FBXO34: variants seen among roughly 807,000 people sequenced by gnomAD.
FBXO34 encodes F-box only protein 34.
In FBXO34, 12 loss-of-function variants were observed where a neutral mutation model predicts 24.5. The observed-to-expected ratio is 0.49, with a 90% CI of 0.31 to 0.79. The LOEUF (loss-of-function observed/expected upper bound fraction) is 0.79. Ranked by LOEUF, FBXO34 falls within the 30% of genes least tolerant of loss-of-function variation. The pLI, the probability that FBXO34 is intolerant of heterozygous loss-of-function variation, is 0.04. For synonymous variants in FBXO34, 320 were observed against 311.9 expected, an observed-to-expected ratio of 1.03 and a Z score of -0.27; for missense variants, 823 against 857.7, an observed-to-expected ratio of 0.96 and a Z score of 0.51.
the FBXO34 span, among the ~76,000 whole-genome samples, chr14:55,398,658 A>T: frequency 1.3e-5 from 2 of 152,126 alleles, no homozygotes; most frequent in Non-Finnish European, 2.9e-5. Flanking sequence ...TTGTAACCTG[A>T]GACTGTCTTA....
At chr14:55,436,996 G>A in the FBXO34 span, 4 of 1,614,060 alleles carry the variant, frequency 2.5e-6, no homozygotes, top group Non-Finnish European at 3.4e-6. Context: ...GAACAGGGGA[G>A]ACCTGGGTGG....
chr14:55,289,833 C>T (rs1453204581), intron 1 of FBXO34, among the ~76,000 whole-genome samples: 1 of 151,852 alleles, frequency 6.6e-6, no homozygotes, highest in African/African-American at 2.4e-5. Flanking sequence ...AGGAGTGGGT[C>T]CCCAAGCCCA....
the FBXO34 span, among the ~76,000 whole-genome samples, chr14:55,406,877 T>C: frequency 9.0e-3 from 1,374 of 152,304 alleles, 29 homozygotes; most frequent in African/African-American, 0.031. Flanking sequence ...TATATTTTTC[T>C]GCTTGGTCAG....
chr14:55,353,905 A>G (rs775178814), downstream of FBXO34, among the ~76,000 whole-genome samples: 7 of 152,184 alleles, frequency 4.6e-5, no homozygotes, highest in Non-Finnish European at 1.0e-4. Flanking sequence ...CTAAGGATCT[A>G]TTCAAGCCTG....
chr14:55,366,894 A>G (rs1321885047), downstream of FBXO34: 2 of 152,678 alleles, frequency 1.3e-5, no homozygotes, highest in Non-Finnish European at 2.9e-5. Flanking sequence ...AGTGGTTGAA[A>G]TGTATACTTA....
chr14:55,415,340 A>G, the FBXO34 span, among the ~76,000 whole-genome samples: 2 of 152,244 alleles, frequency 1.3e-5, no homozygotes, highest in Non-Finnish European at 2.9e-5. Flanking sequence ...ACTCTTAAGA[A>G]CTATAAAGTA....
At chr14:55,340,736 C>T (rs540557020) in intron 1 of FBXO34, among the ~76,000 whole-genome samples, 104 of 152,242 alleles carry the variant, frequency 6.8e-4, no homozygotes, top group Non-Finnish European at 1.1e-3. Context: ...TGTCAGGTTG[C>T]ATTTATACTC....
the FBXO34 span, among the ~76,000 whole-genome samples, chr14:55,399,240 T>C: frequency 6.6e-6 from 1 of 152,232 alleles, no homozygotes; most frequent in Non-Finnish European, 1.5e-5. Context: ...GACAGAATTA[T>C]ATACTTATAA....
the FBXO34 span, among the ~76,000 whole-genome samples, chr14:55,437,887 A>T: frequency 6.6e-6 from 1 of 152,238 alleles, no homozygotes; most frequent in Non-Finnish European, 1.5e-5. Context: ...TTACACTAGG[A>T]AAAAAGTTAT....
the FBXO34 span, among the ~76,000 whole-genome samples, chr14:55,407,696 A>T: frequency 8.1e-4 from 124 of 152,330 alleles, 1 homozygote; most frequent in African/African-American, 2.9e-3. Context: ...ATGAAACTAC[A>T]TTCTGGATGT....
At chr14:55,325,495 G>A (rs1883308991) in intron 1 of FBXO34, among the ~76,000 whole-genome samples, 1 of 149,774 alleles carries the variant, frequency 6.7e-6, no homozygotes, top group South Asian at 2.1e-4. Context: ...TTTTTTTTGA[G>A]ATGGAGTTTC....
chr14:55,289,218 G>C (rs1195293570), intron 1 of FBXO34, among the ~76,000 whole-genome samples: 7 of 150,472 alleles, frequency 4.7e-5, no homozygotes, highest in African/African-American at 7.4e-5. Context: ...TGTTATTTTT[G>C]TATCTAGTAG....
At chr14:55,348,584 G>C (rs1217004613) in intron 1 of FBXO34, among the ~76,000 whole-genome samples, 3 of 151,828 alleles carry the variant, frequency 2.0e-5, no homozygotes, top group African/African-American at 7.3e-5. Flanking sequence ...AATAAACTTG[G>C]TCCCAAACTC....
chr14:55,360,187 C>A (rs556946527), intron 3 of FBXO34, among the ~76,000 whole-genome samples: 1 of 152,222 alleles, frequency 6.6e-6, no homozygotes, highest in East Asian at 1.9e-4. Context: ...ATTCTCTTGC[C>A]TCAGCCTCCC....
the FBXO34 span, among the ~76,000 whole-genome samples, chr14:55,411,396 G>C: frequency 3.3e-5 from 5 of 152,170 alleles, no homozygotes; most frequent in African/African-American, 1.2e-4. Flanking sequence ...GTGGGTGATG[G>C]GGAAACGGCG....
chr14:55,439,241 A>T, the FBXO34 span, among the ~76,000 whole-genome samples: 1 of 147,878 alleles, frequency 6.8e-6, no homozygotes, highest in Non-Finnish European at 1.5e-5. Flanking sequence ...ACCCTGCCCA[A>T]TGCTAAGGAT....
chr14:55,439,438 C>T, the FBXO34 span, among the ~76,000 whole-genome samples: 7 of 151,976 alleles, frequency 4.6e-5, no homozygotes, highest in African/African-American at 1.7e-4. Context: ...AGCAGAAACC[C>T]GTGGGAACCT....
the FBXO34 span, among the ~76,000 whole-genome samples, chr14:55,417,570 A>T: frequency 1.3e-5 from 2 of 150,900 alleles, no homozygotes; most frequent in Non-Finnish European, 2.9e-5. Context: ...AGTGATTCTC[A>T]TGCCTCAGCC....
At chr14:55,348,581 T>C (rs896604135) in intron 1 of FBXO34, among the ~76,000 whole-genome samples, 2 of 151,680 alleles carry the variant, frequency 1.3e-5, no homozygotes, top group African/African-American at 4.8e-5. Context: ...AGGAATAAAC[T>C]TGGTCCCAAA....
Sources: gnomAD v4.1 joint callset for allele counts (sites outside exome capture counted in the v4.1 genomes callset) on GRCh38, gnomAD v4.1.1 for gene constraint, MANE v1.5 for transcripts, NCBI Gene and HGNC (gene_info 2026-07-23, HGNC 2026-07-21) for gene names.